The following HS3ST4 variants were observed in gnomAD, a reference collection of about 807,000 sequenced individuals.
HS3ST4 encodes the protein heparan sulfate glucosamine 3-O-sulfotransferase 4.
In HS3ST4, 17 loss-of-function variants were observed where a neutral mutation model predicts 29.2. The ratio of observed to expected loss-of-function variants is 0.58; its 90% CI spans 0.40 to 0.87. The LOEUF (loss-of-function observed/expected upper bound fraction) is 0.87, where lower values mean the gene tolerates loss of function less well. HS3ST4 is among the 40% of genes least tolerant of loss of function. The probability of loss-of-function intolerance (pLI) is 0.00; values close to 1 mark genes in which losing one functional copy is unlikely to be tolerated. For missense variants in HS3ST4, 627 were observed against 634.5 expected (o/e 0.99, Z 0.13); for synonymous variants, 314 against 285.7 (o/e 1.10, Z -1.00).
At chr16:25,941,008 T>A (rs1205616228) in intron 1 of HS3ST4, among the ~76,000 whole-genome samples, 1 of 152,222 alleles carries the variant, frequency 6.6e-6, no homozygotes, top group African/African-American at 2.4e-5. Context: ...CATTAGATTG[T>A]TAGATTTTCA....
chr16:25,998,907 A>G (rs1596639781), intron 1 of HS3ST4, among the ~76,000 whole-genome samples: 1 of 152,214 alleles, frequency 6.6e-6, no homozygotes, highest in Non-Finnish European at 1.5e-5. Context: ...AAAGAATGCC[A>G]TATAACAGGT....
chr16:25,926,204 C>G (rs764720658), intron 1 of HS3ST4, among the ~76,000 whole-genome samples: 2 of 152,120 alleles, frequency 1.3e-5, no homozygotes. Context: ...CTTTCATGCC[C>G]CTCTGTAAAT....
chr16:25,864,963 TACACACATACTCAC>T (rs1378744563), intron 1 of HS3ST4, among the ~76,000 whole-genome samples: 1 of 142,148 alleles, frequency 7.0e-6, no homozygotes, highest in African/African-American at 2.5e-5. Flanking sequence ...TATACATATA[TACACACATACTCAC>T]ACACACATAC....
intron 1 of HS3ST4, among the ~76,000 whole-genome samples, chr16:26,012,744 T>A (rs183289961): frequency 1.3e-5 from 2 of 152,308 alleles, no homozygotes; most frequent in African/African-American, 4.8e-5. Flanking sequence ...GACCAGGAAC[T>A]TGGCAGGTGT....
intron 1 of HS3ST4, among the ~76,000 whole-genome samples, chr16:25,851,259 C>T (rs1391407693): frequency 6.6e-6 from 1 of 152,166 alleles, no homozygotes; most frequent in African/African-American, 2.4e-5. Context: ...CAAGCTGTTT[C>T]ATTTTGTGTT....
rs138309629 is a variant in HS3ST4, at chr16:25,765,664, C to T, written c.734+72513C>T. ...TCAGAGCATTTCTTGGTTAATTTGCCGCTACCAGTCCCAGGGGAGCACCCT... is the reference window on the plus strand; with the variant it reads ...TCAGAGCATTTCTTGGTTAATTTGCTGCTACCAGTCCCAGGGGAGCACCCT... On this transcript the variant is annotated intron_variant, in intron 1 of 1. Transcript: ENST00000331351. 3.3e-3 allele frequency among the ~76,000 whole-genome samples: 495 copies of T among 152,280 alleles called. 5 individuals are homozygous for T. Among genetic ancestry groups the T allele is most frequent in the African/African-American group, 0.011 (471 of 41,554 alleles).
intron 1 of HS3ST4, among the ~76,000 whole-genome samples, chr16:26,080,957 T>C (rs1349725888): frequency 1.3e-5 from 2 of 152,064 alleles, no homozygotes; most frequent in African/African-American, 2.4e-5. Context: ...GTTGGAAATA[T>C]ACAGTCAGAC....
At chr16:26,097,990 T>C (rs1421017736) in intron 1 of HS3ST4, among the ~76,000 whole-genome samples, 1 of 152,172 alleles carries the variant, frequency 6.6e-6, no homozygotes, top group East Asian at 1.9e-4. Flanking sequence ...AAAATGCTCA[T>C]CATCACTGGT....
chr16:26,082,789 G>A (rs1898739439), intron 1 of HS3ST4, among the ~76,000 whole-genome samples: 1 of 152,114 alleles, frequency 6.6e-6, no homozygotes. Context: ...GGAATTCCAG[G>A]TGCCAACTTC....
Position 25,883,358 on chromosome 16 carries a change from TTCTC to T in HS3ST4, c.734+190211_734+190214del, listed in dbSNP as rs1967913975. ...ACCTCAAAGGCCAAGTACTGACTCTTTCTCTCTTTGGATCCCTGCTGAAAAAACA... is the reference window on the plus strand; with the variant it reads ...ACCTCAAAGGCCAAGTACTGACTCTTTCTTTGGATCCCTGCTGAAAAAACA... On this transcript the variant is annotated intron_variant, in intron 1 of 1. Coordinates refer to ENST00000331351, the MANE Select transcript of HS3ST4 (RefSeq NM_006040.3). Among the ~76,000 whole-genome samples, 3 of 145,376 alleles carry T rather than the reference TTCTC, an allele frequency of 2.1e-5. No homozygotes were observed. In the South Asian group the frequency reaches 6.7e-4, roughly 32 times the overall value.
intron 1 of HS3ST4, among the ~76,000 whole-genome samples, chr16:25,894,052 G>A (rs545927739): frequency 6.6e-6 from 1 of 152,262 alleles, no homozygotes; most frequent in East Asian, 1.9e-4. Context: ...ATTATTCCCT[G>A]TAGTCCTTTT....
intron 1 of HS3ST4, among the ~76,000 whole-genome samples, chr16:25,782,919 TGTG>T (rs1966853961): frequency 6.6e-6 from 1 of 152,216 alleles, no homozygotes; most frequent in Non-Finnish European, 1.5e-5. Context: ...TTAGTTCTCT[TGTG>T]GTAATAGCTT....
chr16:25,908,718 G>T (rs1458328494), intron 1 of HS3ST4, among the ~76,000 whole-genome samples: 1 of 152,202 alleles, frequency 6.6e-6, no homozygotes, highest in African/African-American at 2.4e-5. Context: ...ATGTTCAATG[G>T]CAAGAGCGTG....
intron 1 of HS3ST4, among the ~76,000 whole-genome samples, chr16:25,929,643 A>C (rs1017125889): frequency 2.0e-5 from 3 of 152,136 alleles, no homozygotes; most frequent in Non-Finnish European, 4.4e-5. Flanking sequence ...ACGCATTTGG[A>C]GGCTCAGTTT....
intron 1 of HS3ST4, among the ~76,000 whole-genome samples, chr16:26,070,010 T>C (rs140700875): frequency 9.8e-4 from 150 of 152,338 alleles, no homozygotes; most frequent in African/African-American, 3.5e-3. Flanking sequence ...AGTGCCATAA[T>C]AAACATACGT....
intron 1 of HS3ST4, among the ~76,000 whole-genome samples, chr16:25,953,972 G>A (rs537052426): frequency 2.4e-4 from 37 of 152,262 alleles, no homozygotes; most frequent in Non-Finnish European, 3.8e-4. Flanking sequence ...CCTTTTCGTG[G>A]ACTGAACACC....
At chr16:26,133,855 T>C (rs1269630599) in intron 1 of HS3ST4, among the ~76,000 whole-genome samples, 1 of 152,224 alleles carries the variant, frequency 6.6e-6, no homozygotes, top group African/African-American at 2.4e-5. Flanking sequence ...AAAGAGGTCT[T>C]GTGTAATCCT....
chr16:25,923,913 C>CT, intron 1 of HS3ST4, among the ~76,000 whole-genome samples: 1 of 152,300 alleles, frequency 6.6e-6, no homozygotes, highest in East Asian at 1.9e-4. Context: ...TGGATACTCC[C>CT]TTTGGAGCAT....
chr16:26,120,280 T>C (rs1456591096), intron 1 of HS3ST4, among the ~76,000 whole-genome samples: 2 of 152,300 alleles, frequency 1.3e-5, no homozygotes, highest in East Asian at 3.9e-4. Context: ...ATCTGTTTAG[T>C]ATTTCATGCA....
Sources: gnomAD v4.1 joint callset for allele counts (sites outside exome capture counted in the v4.1 genomes callset) on GRCh38, gnomAD v4.1.1 for gene constraint, MANE v1.5 for transcripts, NCBI Gene and HGNC (gene_info 2026-07-23, HGNC 2026-07-21) for gene names.